Variants in FCSK observed in about 807,000 individuals in gnomAD.
The protein encoded by FCSK is fucose kinase.
Under a neutral mutation model 122.5 loss-of-function variants are expected in FCSK, and 123 were observed. That is an observed-to-expected ratio of 1.00 (90% CI 0.87 to 1.17). The LOEUF is 1.17. Ranked by LOEUF, FCSK falls within the 50% of genes most tolerant of loss-of-function variation. The probability of loss-of-function intolerance (pLI) is 0.00; values close to 1 mark genes in which losing one functional copy is unlikely to be tolerated. For synonymous variants in FCSK, 620 were observed against 625.5 expected, an observed-to-expected ratio of 0.99 and a Z score of 0.13; for missense variants, 1,366 against 1,450.4, an observed-to-expected ratio of 0.94 and a Z score of 0.95.
intron 7 of FCSK, 74 bp from the exon 8 acceptor site, chr16:70,467,812 G>A: frequency 5.4e-6 from 7 of 1,289,466 alleles, no homozygotes; most frequent in Non-Finnish European, 6.8e-6. Context: ...TGCCCTTGCT[G>A]CCACCTGTGG....
chr16:70,473,374 T>C lies in FCSK; in HGVS notation c.1777+21T>C, dbSNP rs2048696511. 1 of 1,471,234 alleles carries C rather than the reference T, an allele frequency of 6.8e-7. No homozygotes were observed. The highest frequency in any genetic ancestry group is 1.4e-5 in the African/African-American group (1 of 70,576). 91.1% of individuals were successfully genotyped at this position (1,471,234 alleles called of 1,614,324 possible). ...CCAGGGTGAGTGTGCAGGCTGGTAGTGCTGCAGAATCAGGCCAGGGGCACC... is the reference window on the plus strand; with the variant it reads ...CCAGGGTGAGTGTGCAGGCTGGTAGCGCTGCAGAATCAGGCCAGGGGCACC... On this transcript the variant is annotated intron_variant, in intron 15 of 23. Transcript: ENST00000288078. The surrounding 1 kb of genome is among the most constrained non-coding windows in gnomAD (Gnocchi z 4.9).
chr16:70,475,456 G>A lies in FCSK; in HGVS notation c.2484G>A (p.Leu828=). 1.2e-6 allele frequency: 2 copies of A among 1,606,138 alleles called. No homozygotes were observed. Among genetic ancestry groups the A allele is most frequent in the Non-Finnish European group, 1.7e-6 (2 of 1,179,438 alleles). ...LLRTFGGGFE[L]HTWSELPHGS... The stretch of plus-strand genomic sequence containing the variant: ...GCACCTTCGGGGGCGGCTTTGAGCT[G>A]CACACCTGGTCTGAGCTGCCCCACG... The change falls in exon 19 of 24, where the codon CTG becomes CTA. Residue 828 remains leucine, a synonymous_variant. Coordinates refer to ENST00000288078, the MANE Select transcript of FCSK (RefSeq NM_145059.3).
intron 22 of FCSK, 139 bp from the exon 23 acceptor site, chr16:70,479,041 C>G: frequency 1.4e-6 from 1 of 706,834 alleles, no homozygotes; most frequent in Non-Finnish European, 2.4e-6. Flanking sequence ...GTGGGTTACT[C>G]CTGGCTCCAG....
rs200443840 is a variant in FCSK at position 70,469,244 on chromosome 16, C to A, written c.876C>A (p.Gly292=). The change falls in exon 10 of 24, where the codon GGC becomes GGA. Residue 292 remains glycine (G), a synonymous_variant. Transcript: ENST00000288078. ...GGAGGCCCCCAGAGTTGGGGCAAGGCGATGCAGATGTAGCGGGTTATCTGC... is the reference window on the plus strand; with the variant it reads ...GGAGGCCCCCAGAGTTGGGGCAAGGAGATGCAGATGTAGCGGGTTATCTGC... The part of the protein sequence containing the change: ...LVGRPPELGQ[G]DADVAGYLQS... The A allele has an allele frequency of 2.0e-5, 33 of 1,613,904 alleles. No homozygotes were observed. The highest frequency in any genetic ancestry group is 2.8e-5 in the Non-Finnish European group (33 of 1,179,978).
intron 1 of FCSK, chr16:70,454,971 T>G (rs2048044084): frequency 6.6e-6 from 1 of 152,184 alleles, no homozygotes. Flanking sequence ...GCTGCTCTGA[T>G]TTTACTTTGA....
Position 70,463,226 on chromosome 16 carries a change from C to G in FCSK, c.36C>G (p.Ile12Met), listed in dbSNP as rs1567695791. 4 of 1,614,000 alleles carry G rather than the reference C, an allele frequency of 2.5e-6. No homozygotes were observed. The highest frequency in any genetic ancestry group is 1.1e-5 in the South Asian group (1 of 91,078). Residue 12 changes from isoleucine (I) to methionine (M), a missense_variant, in exon 2 of 24, where the codon ATC becomes ATG. Transcript: ENST00000288078. ...CGAAGGGAGTTGATTGGACAGTCAT[C>G]ATCCTGACCTGCCAGTACAAGGACA... Reference protein sequence around the residue: ...EQPKGVDWTVIILTCQYKDSV... With the variant: ...EQPKGVDWTVMILTCQYKDSV...
chr16:70,475,642 C>A lies in FCSK; in HGVS notation c.2522-6C>A. The A allele has an allele frequency of 6.3e-7, 1 of 1,587,512 alleles. No homozygotes were observed. Among genetic ancestry groups the A allele is most frequent in the East Asian group, 2.3e-5 (1 of 44,314 alleles). ...TCATGTCTGCTCTCTCCTCTCCGCC[C>A]TGCAGGCACCAGCAGCATCCTGGCA... On this transcript the variant is annotated splice_region_variant and splice_polypyrimidine_tract_variant and intron_variant, in intron 19 of 23. Transcript: ENST00000288078.
chr16:70,468,902 C>A lies in FCSK; in HGVS notation c.717C>A (p.Thr239=), dbSNP rs757261546. 1.9e-6 allele frequency: 3 copies of A among 1,613,906 alleles called. No homozygotes were observed. Among genetic ancestry groups the A allele is most frequent in the Non-Finnish European group, 2.5e-6 (3 of 1,180,012 alleles). The change falls in exon 9 of 24, where the codon ACC becomes ACA. Residue 239 remains threonine (T), a synonymous_variant. Transcript: ENST00000288078. ...AGACTGCCGAGCGCCTCCTAGCCAC[C>A]CACGTGAGCCCGCCCCTGGATGCCT... ...SVETAERLLA[T]HVSPPLDACT...
chr16:70,475,071 C>T lies in FCSK; in HGVS notation c.2377+60C>T. On this transcript the variant is annotated intron_variant, in intron 18 of 23. Transcript: ENST00000288078. ...GCCAGCTGGGGGCTCGGGGCAGAAGCTAGAGACTGCAGGCCAGTGGGGTCT... is the reference window on the plus strand; with the variant it reads ...GCCAGCTGGGGGCTCGGGGCAGAAGTTAGAGACTGCAGGCCAGTGGGGTCT... The T allele has an allele frequency of 3.4e-6, 5 of 1,457,440 alleles. No homozygotes were observed. The Admixed American group carries it at 1.0e-4, about 29-fold the overall frequency. 90.3% of individuals were successfully genotyped at this position (1,457,440 alleles called of 1,614,324 possible).
intron 7 of FCSK, 104 bp downstream of exon 7, chr16:70,467,575 C>A: frequency 2.2e-6 from 2 of 904,714 alleles, no homozygotes; most frequent in South Asian, 1.6e-5. Context: ...GATTTCCTCG[C>A]ATGTTCCTGA....
intron 6 of FCSK, 105 bp from the exon 7 acceptor site, chr16:70,467,269 G>C: frequency 2.7e-6 from 2 of 728,520 alleles, no homozygotes; most frequent in Non-Finnish European, 4.6e-6. Context: ...TTCCCTTTTA[G>C]AGGTGCCCAG....
chr16:70,460,341 G>T (rs1217724493), intron 1 of FCSK, among the ~76,000 whole-genome samples: 1 of 150,964 alleles, frequency 6.6e-6, no homozygotes, highest in Non-Finnish European at 1.5e-5. Flanking sequence ...TCGATCTCCT[G>T]ACCTTGTGAT....
At chr16:70,461,560 C>T (rs773604662) in intron 1 of FCSK, among the ~76,000 whole-genome samples, 1 of 152,096 alleles carries the variant, frequency 6.6e-6, no homozygotes, top group East Asian at 1.9e-4. Flanking sequence ...GGCTGCAGCC[C>T]CCGCTGGGCT....
chr16:70,467,455 A>G lies in FCSK; in HGVS notation c.566A>G (p.Tyr189Cys). The stretch of plus-strand genomic sequence containing the variant: ...GCCTACGCTCAGAATCATGGCGTCT[A>G]CCTAACTGACCCCCAGGTAGTGCCC... ...SPAYAQNHGV[Y>C]LTDPQGLVLD... Residue 189 changes from tyrosine (Y) to cysteine (C), a missense_variant, in exon 7 of 24, where the codon TAC becomes TGC. By Grantham distance (194) the Tyr-to-Cys change is radical. Transcript: ENST00000288078. 6.2e-7 allele frequency: 1 copy of G among 1,603,326 alleles called. No individual in the cohort carries two copies. The highest frequency in any genetic ancestry group is 8.5e-7 in the Non-Finnish European group (1 of 1,175,584).
chr16:70,463,821 A>G (rs2048337482), intron 3 of FCSK, 47 bp downstream of exon 3: 2 of 1,549,892 alleles, frequency 1.3e-6, no homozygotes, highest in East Asian at 4.8e-5. Flanking sequence ...CCCTGCTGGA[A>G]CCAGGTCATT....
At position 70,479,721 on chromosome 16, in the gene FCSK, A is replaced by G. The variant is rs542949828; in HGVS notation, c.*41A>G. On this transcript the variant is annotated 3_prime_UTR_variant, in exon 24 of 24. Transcript: ENST00000288078. ...GCAACAGGAGAAAACCTGGAGCTAC[A>G]GTGTCCCCCACCTTCCTTGCCCCAT... 19 of 1,520,408 alleles carry G rather than the reference A, an allele frequency of 1.2e-5. No individual in the cohort carries two copies. In the South Asian group the frequency reaches 1.9e-4, roughly 16 times the overall value. The allele number at this position is 1,520,408 out of a possible 1,614,324, so 94.2% of individuals were successfully genotyped here.
intron 13 of FCSK, 57 bp from the exon 14 acceptor site, chr16:70,472,484 G>A: frequency 7.0e-7 from 1 of 1,432,958 alleles, no homozygotes. Flanking sequence ...CTGGCCGAGT[G>A]TCTCTAACCC....
intron 17 of FCSK, 37 bp from the exon 18 acceptor site, chr16:70,474,753 T>C (rs1415847486): frequency 2.6e-6 from 4 of 1,557,398 alleles, no homozygotes; most frequent in Non-Finnish European, 3.5e-6. Context: ...GGCTGGCAGC[T>C]TCTGTGACCA....
In FCSK at chr16:70,469,148, C is replaced by T; in HGVS notation, c.784-4C>T. 1 of 1,614,050 alleles carries T rather than the reference C, an allele frequency of 6.2e-7. No homozygotes were observed. Among genetic ancestry groups the T allele is most frequent in the Non-Finnish European group, 8.5e-7 (1 of 1,180,022 alleles). On this transcript the variant is annotated splice_region_variant and splice_polypyrimidine_tract_variant and intron_variant, in intron 9 of 23. Coordinates refer to ENST00000288078, the MANE Select transcript of FCSK (RefSeq NM_145059.3). ...AATAGCTGTGCTTCTTCCCCTTCCC[C>T]TAGCTGTCTCTGTTTTTTGACATTC...
Sources: allele counts gnomAD v4.1 joint callset (sites outside exome capture counted in the v4.1 genomes callset), GRCh38; gene constraint gnomAD v4.1.1; non-coding constraint Gnocchi (gnomAD v3.1); transcripts MANE v1.5; gene names NCBI Gene and HGNC (gene_info 2026-07-23, HGNC 2026-07-21).